TGFBR1: variants seen among roughly 807,000 people sequenced by gnomAD.
TGFBR1 encodes transforming growth factor beta receptor 1.
Under a neutral mutation model 55.1 loss-of-function variants are expected in TGFBR1, and 20 were observed. The ratio of observed to expected loss-of-function variants is 0.36; its 90% CI spans 0.26 to 0.53. TGFBR1 has a LOEUF of 0.53. TGFBR1 is among the 20% of genes least tolerant of loss of function. The pLI is 0.91. For synonymous variants in TGFBR1, 220 were observed against 214.8 expected (o/e 1.02, Z -0.21); for missense variants, 385 against 617.6 (o/e 0.62, Z 3.99).
intron 2 of TGFBR1, 146 bp downstream of exon 2, chr9:99,129,246 T>A: frequency 1.0e-6 from 1 of 959,524 alleles, no homozygotes; most frequent in Non-Finnish European, 1.6e-6. Context: ...TGTTACAGAC[T>A]TATAAGAGTA....
intron 1 of TGFBR1, among the ~76,000 whole-genome samples, chr9:99,125,632 A>T (rs1347000086): frequency 6.6e-6 from 1 of 152,144 alleles, no homozygotes; most frequent in Non-Finnish European, 1.5e-5. Context: ...CATGAAACTT[A>T]TGCTGTGTGT....
chr9:99,121,538 G>A (rs1476626300), intron 1 of TGFBR1, among the ~76,000 whole-genome samples: 1 of 152,112 alleles, frequency 6.6e-6, no homozygotes, highest in Non-Finnish European at 1.5e-5. Context: ...AAGAACTGGG[G>A]TAGAAGAATA....
intron 1 of TGFBR1, among the ~76,000 whole-genome samples, chr9:99,125,391 T>C (rs755383747): frequency 3.3e-5 from 5 of 152,358 alleles, no homozygotes; most frequent in Middle Eastern, 3.4e-3. Context: ...AAACCAGTTA[T>C]TGCTGGAAAT....
rs897235267 is a variant in TGFBR1, at chr9:99,153,971, A to T, written c.*4666A>T. 9.3e-6 allele frequency: 2 copies of T among 215,048 alleles called. No homozygotes were observed. The highest frequency in any genetic ancestry group is 9.4e-6 in the Non-Finnish European group (1 of 106,384). 13.3% of individuals were successfully genotyped at this position (215,048 alleles called of 1,614,324 possible). A position where few individuals can be genotyped will look rare whatever the true frequency, so the allele number is the denominator to read the frequency against. On this transcript the variant is annotated 3_prime_UTR_variant, in exon 9 of 9. Transcript: ENST00000374994. ...TCTCCTGGGGGTGAAAACTTGGCTT[A>T]CAAGAGAACTGGAAAAATGATGAGA...
At chr9:99,147,594 A>C (rs1827837211) in intron 7 of TGFBR1, 60 bp from the exon 8 acceptor site, 2 of 1,518,744 alleles carry the variant, frequency 1.3e-6, no homozygotes, top group Non-Finnish European at 9.1e-7. Flanking sequence ...GTGATCTTTT[A>C]ATGCCTTGGC....
chr9:99,111,416 C>G (rs974322766), intron 1 of TGFBR1, among the ~76,000 whole-genome samples: 2 of 146,370 alleles, frequency 1.4e-5, no homozygotes, highest in Admixed American at 1.4e-4. Context: ...ATCACGAGGT[C>G]AGGAGTTCGA....
intron 8 of TGFBR1, among the ~76,000 whole-genome samples, chr9:99,148,298 G>C (rs752797562): frequency 6.6e-6 from 1 of 152,192 alleles, no homozygotes; most frequent in Non-Finnish European, 1.5e-5. Context: ...CAGGAATTTA[G>C]GGAAAATGCT....
intron 7 of TGFBR1, among the ~76,000 whole-genome samples, chr9:99,146,952 C>A (rs920093534): frequency 1.3e-5 from 2 of 152,118 alleles, no homozygotes; most frequent in African/African-American, 4.8e-5. Flanking sequence ...GGGTGTCAAA[C>A]TTATTTTTTT....
intron 1 of TGFBR1, among the ~76,000 whole-genome samples, chr9:99,107,893 C>T (rs1268853953): frequency 6.6e-6 from 1 of 152,198 alleles, no homozygotes; most frequent in Non-Finnish European, 1.5e-5. Flanking sequence ...GAGAAGTTCT[C>T]AGCCCTGACT....
intron 8 of TGFBR1, 75 bp downstream of exon 8, chr9:99,147,859 T>C: frequency 6.4e-7 from 1 of 1,569,294 alleles, no homozygotes. Flanking sequence ...GCTACTTTTC[T>C]TTAAGGAAAA....
chr9:99,135,863 T>C (rs1319061977), intron 3 of TGFBR1, among the ~76,000 whole-genome samples: 2 of 150,826 alleles, frequency 1.3e-5, no homozygotes, highest in Non-Finnish European at 3.0e-5. Context: ...TTTTTTTTTT[T>C]TTTTTTTTGG....
At chr9:99,121,277 C>A (rs1450459844) in intron 1 of TGFBR1, among the ~76,000 whole-genome samples, 1 of 152,100 alleles carries the variant, frequency 6.6e-6, no homozygotes, top group East Asian at 1.9e-4. Context: ...TGCAAGGTAG[C>A]CCCAGGAGGG....
At chr9:99,104,885 C>G (rs1224101005), upstream of TGFBR1, among the ~76,000 whole-genome samples, 2 of 150,782 alleles carry the variant, frequency 1.3e-5, no homozygotes, top group Non-Finnish European at 3.0e-5. Context: ...GGGAGCCGAT[C>G]GGGCCGGGGC....
In TGFBR1 at chr9:99,144,791, G is replaced by A. The variant is rs1554701900; in HGVS notation, c.1033G>A (p.Gly345Arg). 2 of 1,613,990 alleles carry A rather than the reference G, an allele frequency of 1.2e-6. No individual in the cohort carries two copies. The highest frequency in any genetic ancestry group is 1.7e-6 in the Non-Finnish European group (2 of 1,179,918). The change falls in exon 6 of 9, where the codon GGA becomes AGA. Residue 345 changes from glycine to arginine, a missense_variant. Coordinates refer to ENST00000374994, the MANE Select transcript of TGFBR1 (RefSeq NM_004612.4). ...KSKNILVKKN[G>R]TCCIADLGLA... is the part of the protein sequence containing the mutation. ...AAAGAATATCTTGGTAAAGAAGAAT[G>A]GAACTTGCTGTATTGCAGACTTAGG...
chr9:99,136,532 T>C (rs1263596332), intron 3 of TGFBR1, among the ~76,000 whole-genome samples: 2 of 152,252 alleles, frequency 1.3e-5, no homozygotes, highest in African/African-American at 4.8e-5. Flanking sequence ...GAATTGATTA[T>C]ACATAGTGCG....
intron 1 of TGFBR1, among the ~76,000 whole-genome samples, chr9:99,121,414 A>G (rs907437417): frequency 6.6e-6 from 1 of 152,036 alleles, no homozygotes; most frequent in Non-Finnish European, 1.5e-5. Flanking sequence ...AGAAAAGGAG[A>G]ATCTATATAG....
At chr9:99,119,474 G>A (rs553941533) in intron 1 of TGFBR1, among the ~76,000 whole-genome samples, 1 of 152,298 alleles carries the variant, frequency 6.6e-6, no homozygotes, top group South Asian at 2.1e-4. Context: ...AGTAGGGGTG[G>A]AAATCACTGT....
intron 2 of TGFBR1, among the ~76,000 whole-genome samples, chr9:99,129,825 G>C (rs1208416101): frequency 6.6e-6 from 1 of 152,088 alleles, no homozygotes; most frequent in East Asian, 1.9e-4. Flanking sequence ...TTTGAACCTG[G>C]GAGGCAGAGG....
chr9:99,122,083 A>G (rs1175251702), intron 1 of TGFBR1, among the ~76,000 whole-genome samples: 1 of 152,172 alleles, frequency 6.6e-6, no homozygotes, highest in African/African-American at 2.4e-5. Flanking sequence ...GAATTTGACC[A>G]GAAGGGCATT....
Sources: gnomAD v4.1 joint callset for allele counts (sites outside exome capture counted in the v4.1 genomes callset) on GRCh38, gnomAD v4.1.1 for gene constraint, MANE v1.5 for transcripts, NCBI Gene and HGNC (gene_info 2026-07-23, HGNC 2026-07-21) for gene names.